DEFB134: variants seen among roughly 807,000 people sequenced by gnomAD.
DEFB134 encodes beta-defensin 134.
Under a neutral mutation model 7.4 loss-of-function variants are expected in DEFB134, and 7 were observed. That is an observed-to-expected ratio of 0.95 (90% CI 0.54 to 1.79). The LOEUF is 1.79. Among genes scored for constraint, DEFB134 ranks in the 40% most tolerant of loss-of-function variants. DEFB134 has a pLI of 0.00. For synonymous variants in DEFB134, 33 were observed against 25.0 expected, an observed-to-expected ratio of 1.32 and a Z score of -0.96; for missense variants, 105 against 74.8, an observed-to-expected ratio of 1.40 and a Z score of -1.49.
At chr8:11,997,224 T>C (rs1233027141), upstream of DEFB134, among the ~76,000 whole-genome samples, 1 of 152,228 alleles carries the variant, frequency 6.6e-6, no homozygotes, top group Non-Finnish European at 1.5e-5. Context: ...TTATTTGAGA[T>C]TCGTCCTTGC....
upstream of DEFB134, among the ~76,000 whole-genome samples, chr8:11,998,820 C>A (rs1563115703): frequency 1.3e-5 from 2 of 151,840 alleles, no homozygotes; most frequent in East Asian, 3.9e-4. Flanking sequence ...AAAGAAGATC[C>A]AAAAAAACAC....
chr8:11,993,620 A>C (rs1214236220), exon 2 of DEFB134: 1 of 175,124 alleles, frequency 5.7e-6, no homozygotes, highest in Non-Finnish European at 1.2e-5. Context: ...TGCGAAGCTG[A>C]AGCGAAGGTA....
At chr8:11,995,758 G>A (rs1185630516) in intron 1 of DEFB134, among the ~76,000 whole-genome samples, 1 of 152,168 alleles carries the variant, frequency 6.6e-6, no homozygotes, top group Admixed American at 6.5e-5. Context: ...TCTTGAATTA[G>A]AGACAAAATA....
Position 11,993,965 on chromosome 8 carries a change from C to G in DEFB134, c.*15G>C, listed in dbSNP as rs762956341. 1.9e-5 allele frequency: 30 copies of G among 1,609,382 alleles called. No homozygotes were observed. The South Asian group carries it at 3.2e-4, about 17-fold the overall frequency. Reference sequence around the variant, plus strand: ...AAGGGCCTACAGGATAGTGGCCATTCATTGGTTTCTTATGTCAGGGTGCAG... The same window carrying G: ...AAGGGCCTACAGGATAGTGGCCATTGATTGGTTTCTTATGTCAGGGTGCAG... On this transcript the variant is annotated 3_prime_UTR_variant, in exon 2 of 2. Transcript: ENST00000526438.
chr8:11,997,201 T>C (rs936707926), upstream of DEFB134, among the ~76,000 whole-genome samples: 1 of 152,236 alleles, frequency 6.6e-6, no homozygotes, highest in Non-Finnish European at 1.5e-5. Context: ...TGGGTTTCTT[T>C]TACTCAGCAT....
At chr8:11,994,023 A>T (rs1800049612) in exon 2 of DEFB134, 1 of 1,613,998 alleles carries the variant, frequency 6.2e-7, no homozygotes, top group South Asian at 1.1e-5. Flanking sequence ...CAGCTGAAAC[A>T]TACAGTAGGC....
chr8:11,997,460 G>A (rs914010634), upstream of DEFB134, among the ~76,000 whole-genome samples: 1 of 152,172 alleles, frequency 6.6e-6, no homozygotes, highest in Admixed American at 6.5e-5. Context: ...GGCCACAGCT[G>A]TATGTTGTCA....
exon 2 of DEFB134, chr8:11,993,872 A>G: frequency 7.2e-7 from 1 of 1,395,538 alleles, no homozygotes; most frequent in East Asian, 2.4e-5. Flanking sequence ...AAAAACCAGT[A>G]GTCATGGACA....
upstream of DEFB134, among the ~76,000 whole-genome samples, chr8:11,996,960 A>G (rs917885627): frequency 1.3e-5 from 2 of 152,238 alleles, no homozygotes; most frequent in Non-Finnish European, 2.9e-5. Flanking sequence ...AAAGTGTACA[A>G]TCGGATAAGT....
Position 11,995,833 on chromosome 8 carries a change from C to T in DEFB134, c.58+361G>A, listed in dbSNP as rs148856205. ...AATGATAGCTCTCATGAGCCAGGTA[C>T]TTTTCATATTATGTATGGACATATT... On this transcript the variant is annotated intron_variant, in intron 1 of 1. Transcript: ENST00000526438. Among the ~76,000 whole-genome samples the T allele has an allele frequency of 7.9e-3, 1,200 of 152,192 alleles. 16 individuals are homozygous for T. Among genetic ancestry groups the T allele is most frequent in the Non-Finnish European group, 0.011 (746 of 68,026 alleles).
chr8:11,997,108 C>G (rs73542314), upstream of DEFB134, among the ~76,000 whole-genome samples: 8,894 of 152,196 alleles, frequency 0.058, 322 homozygotes, highest in African/African-American at 0.1. Flanking sequence ...AAGGCCACAA[C>G]TTTTCTGCTG....
At chr8:11,998,175 G>A (rs114925396), upstream of DEFB134, among the ~76,000 whole-genome samples, 9,356 of 152,242 alleles carry the variant, frequency 0.061, 325 homozygotes, top group Middle Eastern at 0.092. Flanking sequence ...TGGGCCAGGT[G>A]CAGTGGCTCA....
chr8:11,998,582 C>A (rs915028616), upstream of DEFB134, among the ~76,000 whole-genome samples: 2 of 151,982 alleles, frequency 1.3e-5, no homozygotes, highest in East Asian at 1.9e-4. Flanking sequence ...AATGCCTACA[C>A]CAAAAAGTTA....
chr8:11,998,219 A>C (rs1186433829), upstream of DEFB134, among the ~76,000 whole-genome samples: 2 of 152,048 alleles, frequency 1.3e-5, no homozygotes, highest in Non-Finnish European at 2.9e-5. Context: ...AAGGTTAAGG[A>C]AGGTGGATCA....
At chr8:11,993,762 T>A (rs549109160) in exon 2 of DEFB134, 2 of 496,316 alleles carry the variant, frequency 4.0e-6, no homozygotes, top group African/African-American at 2.0e-5. Flanking sequence ...GAAAATATCT[T>A]CTACATTGTT....
chr8:11,994,074 C>G (rs760646403), exon 2 of DEFB134: 1 of 1,613,566 alleles, frequency 6.2e-7, no homozygotes. Context: ...TCTGCAGATG[C>G]CATTTTTATA....
At chr8:11,999,755 G>A (rs1304254998), upstream of DEFB134, among the ~76,000 whole-genome samples, 4 of 152,186 alleles carry the variant, frequency 2.6e-5, no homozygotes, top group Admixed American at 6.5e-5. Context: ...TAGGTGCCAC[G>A]AGTTGGGAGC....
upstream of DEFB134, among the ~76,000 whole-genome samples, chr8:11,997,736 C>T (rs561567702): frequency 6.6e-6 from 1 of 152,142 alleles, no homozygotes; most frequent in Non-Finnish European, 1.5e-5. Context: ...TCTTAGAGAC[C>T]TATGAAGAGA....
intron 1 of DEFB134, 121 bp from the exon 3 acceptor site, chr8:11,994,243 G>C (rs1585091387): frequency 8.0e-7 from 1 of 1,244,918 alleles, no homozygotes; most frequent in South Asian, 1.5e-5. Context: ...AATTGATCCT[G>C]TAACTGAAAA....
Sources: gnomAD v4.1 joint callset for allele counts (sites outside exome capture counted in the v4.1 genomes callset) on GRCh38, gnomAD v4.1.1 for gene constraint, MANE v1.5 for transcripts, NCBI Gene and HGNC (gene_info 2026-07-23, HGNC 2026-07-21) for gene names.